Variants in KIR2DL1 observed in about 807,000 individuals in gnomAD.
The protein encoded by KIR2DL1 is killer cell immunoglobulin-like receptor 2DL1.
Under a neutral mutation model 33.9 loss-of-function variants are expected in KIR2DL1, and 38 were observed. The ratio of observed to expected loss-of-function variants is 1.12; its 90% confidence interval spans 0.86 to 1.47. The LOEUF (loss-of-function observed/expected upper bound fraction) is 1.47. Ranked by LOEUF, KIR2DL1 falls within the 40% of genes most tolerant of loss-of-function variation. The probability of loss-of-function intolerance (pLI) is 0.00; values close to 1 mark genes in which losing one functional copy is unlikely to be tolerated. For synonymous variants in KIR2DL1, 179 were observed against 165.9 expected (o/e 1.08, Z -0.61); for missense variants, 531 against 433.9 (o/e 1.22, Z -1.99).
intron 2 of KIR2DL1, among the ~76,000 whole-genome samples, chr19:54,771,087 G>A (rs2075663867): frequency 2.0e-5 from 3 of 148,432 alleles, no homozygotes; most frequent in Admixed American, 1.4e-4. Flanking sequence ...GTTAGACTAC[G>A]GTGCTCAAAG....
intron 5 of KIR2DL1, among the ~76,000 whole-genome samples, chr19:54,778,951 T>A (rs1184389244): frequency 3.1e-4 from 46 of 146,752 alleles, no homozygotes; most frequent in African/African-American, 1.2e-3. Flanking sequence ...CCTGCATTCC[T>A]AACTGGAGGA....
At chr19:54,781,534 G>A (rs1169136484) in intron 5 of KIR2DL1, among the ~76,000 whole-genome samples, 1 of 150,654 alleles carries the variant, frequency 6.6e-6, no homozygotes, top group Non-Finnish European at 1.5e-5. Context: ...ACTCCTTGAA[G>A]TGAGTCCAGA....
At position 54,783,028 on chromosome 19, in the gene KIR2DL1, G is replaced by A; in HGVS notation, c.817+5G>A. 7 of 1,612,804 alleles carry A rather than the reference G, an allele frequency of 4.3e-6. No individual in the cohort carries two copies. The highest frequency in any genetic ancestry group is 5.9e-6 in the Non-Finnish European group (7 of 1,179,268). On this transcript the variant is annotated splice_donor_5th_base_variant and intron_variant, in intron 6 of 7. Coordinates refer to ENST00000336077, the MANE Select transcript of KIR2DL1 (RefSeq NM_014218.3). The stretch of plus-strand genomic sequence containing the variant: ...GCTGGTGCTCCAACAAAAAAAGTAA[G>A]TCTCACGAAGCAGAGGCCAGAGAGC...
At chr19:54,780,154 T>C (rs2147586856) in intron 5 of KIR2DL1, 1 of 521,298 alleles carries the variant, frequency 1.9e-6, no homozygotes. Flanking sequence ...TCCGACCGTC[T>C]CAGCATGCCA....
chr19:54,772,117 G>A (rs1341666033), intron 2 of KIR2DL1, among the ~76,000 whole-genome samples: 1 of 148,138 alleles, frequency 6.8e-6, no homozygotes, highest in East Asian at 1.9e-4. Context: ...ATAGGGGAAG[G>A]GACTGAAGGA....
chr19:54,781,394 G>A (rs1331997800), intron 5 of KIR2DL1, among the ~76,000 whole-genome samples: 6 of 150,588 alleles, frequency 4.0e-5, no homozygotes, highest in Admixed American at 2.0e-4. Flanking sequence ...CTCCAGCACA[G>A]ATCCTGGAAT....
At position 54,774,178 on chromosome 19, in the gene KIR2DL1, G is replaced by A. The variant is rs1224800891; in HGVS notation, c.370+546G>A. On this transcript the variant is annotated intron_variant, in intron 3 of 7. Transcript: ENST00000336077. ...ATGCTGTGTGAACTTGTAGTCTCCA[G>A]ACTGGATTCTGAGGCTCATATTCCA... is the stretch of plus-strand genomic sequence containing the variant. Among the ~76,000 whole-genome samples the A allele has an allele frequency of 6.7e-5, 10 of 148,748 alleles. 1 individual carries two copies. The highest frequency in any genetic ancestry group is 2.5e-4 in the African/African-American group (10 of 40,760).
At chr19:54,777,141 A>G (rs1289690077) in intron 4 of KIR2DL1, among the ~76,000 whole-genome samples, 1 of 150,782 alleles carries the variant, frequency 6.6e-6, no homozygotes, top group Non-Finnish European at 1.5e-5. Flanking sequence ...CCCAGGCTGG[A>G]GTGCAGTGGC....
chr19:54,776,863 A>G (rs1305886519), intron 4 of KIR2DL1, among the ~76,000 whole-genome samples: 3 of 146,972 alleles, frequency 2.0e-5, no homozygotes, highest in Non-Finnish European at 4.5e-5. Flanking sequence ...GCTGCTCTCA[A>G]ACTCATGACC....
Position 54,770,790 on chromosome 19 carries a change from C to CA in KIR2DL1, c.35-58dup. The CA allele has an allele frequency of 2.6e-6, 4 of 1,567,740 alleles. No homozygotes were observed. In the East Asian group the frequency reaches 9.0e-5, roughly 35 times the overall value. ...ACCAAGACTCACAGCCCAGTGGGGGCAGCAAGGGTGCCCTGGTTTGCCTGC... is the reference window on the plus strand; with the variant it reads ...ACCAAGACTCACAGCCCAGTGGGGGCAAGCAAGGGTGCCCTGGTTTGCCTGC... On this transcript the variant is annotated intron_variant, in intron 1 of 7. Coordinates refer to ENST00000336077, the MANE Select transcript of KIR2DL1 (RefSeq NM_014218.3).
At chr19:54,779,495 C>T (rs1654639) in intron 5 of KIR2DL1, among the ~76,000 whole-genome samples, 30,939 of 127,618 alleles carry the variant, frequency 0.24, 1,789 homozygotes, top group South Asian at 0.35. Context: ...CTTACCACAC[C>T]TCTTTCTCTG....
At position 54,775,368 on chromosome 19, in the gene KIR2DL1, C is replaced by T. The variant is rs1344715129; in HGVS notation, c.574C>T (p.His192Tyr). Reference sequence around the variant, plus strand: ...TGACTTTCCTCTGGGCCCTGCCACCCACGGAGGGACCTACAGATGCTTCGG... The same window carrying T: ...TGACTTTCCTCTGGGCCCTGCCACCTACGGAGGGACCTACAGATGCTTCGG... ...QADFPLGPAT[H>Y]GGTYRCFGSF... Residue 192 changes from histidine to tyrosine, a missense_variant, in exon 4 of 8, where the codon CAC becomes TAC. Physicochemically the swap from His to Tyr is moderately conservative, Grantham distance 83. Coordinates refer to ENST00000336077, the MANE Select transcript of KIR2DL1 (RefSeq NM_014218.3). 6.3e-7 allele frequency: 1 copy of T among 1,583,292 alleles called. No homozygotes were observed. Among genetic ancestry groups the T allele is most frequent in the East Asian group, 2.2e-5 (1 of 44,764 alleles).
rs531969243 is a variant in KIR2DL1, at chr19:54,775,790, C to T, written c.664+332C>T. 2.4e-4 allele frequency among the ~76,000 whole-genome samples: 36 copies of T among 149,182 alleles called. 3 individuals are homozygous for T. Among genetic ancestry groups the T allele is most frequent in the African/African-American group, 8.5e-4 (35 of 40,986 alleles). On this transcript the variant is annotated intron_variant, in intron 4 of 7. Transcript: ENST00000336077. ...CCCATTTCCCAGAAGCCCATCCTGG[C>T]CTCTCACCCACACAGAGATGTCATC...
At chr19:54,783,169 A>T in intron 6 of KIR2DL1, 146 bp downstream of exon 6, 1 of 956,458 alleles carries the variant, frequency 1.0e-6, no homozygotes, top group South Asian at 1.4e-5. Flanking sequence ...AGAGGGCACC[A>T]GACTCCCTGT....
chr19:54,775,216 C>T lies in KIR2DL1; in HGVS notation c.422C>T (p.Ala141Val), dbSNP rs373229787. 1.2e-5 allele frequency: 19 copies of T among 1,601,114 alleles called. 1 individual carries two copies. Among genetic ancestry groups the T allele is most frequent in the Admixed American group, 6.8e-5 (4 of 59,206 alleles). Residue 141 changes from alanine (A) to valine (V), a missense_variant, in exon 4 of 8, where the codon GCA (alanine) becomes GTA (valine). Transcript: ENST00000336077. ...GCCCAGCTGGGCCCCACGGTTCTGG[C>T]AGGAGAGAATGTGACCTTGTCCTGC... Reference protein sequence around the residue: ...LSAQLGPTVLAGENVTLSCSS... With the variant: ...LSAQLGPTVLVGENVTLSCSS...
chr19:54,776,968 A>G (rs1189247350), intron 4 of KIR2DL1, among the ~76,000 whole-genome samples: 1 of 149,878 alleles, frequency 6.7e-6, no homozygotes, highest in Non-Finnish European at 1.5e-5. Flanking sequence ...AAGGACTTCC[A>G]TACTTTTCTC....
chr19:54,778,698 C>A (rs2295806), intron 5 of KIR2DL1, 36 bp downstream of exon 5: 108,909 of 1,246,910 alleles, frequency 0.087, 17,147 homozygotes, highest in African/African-American at 0.22. Flanking sequence ...GCTTTTGGAA[C>A]CCTGGGGAGG....
chr19:54,779,622 TC>T (rs754754091), intron 5 of KIR2DL1, among the ~76,000 whole-genome samples: 2 of 146,848 alleles, frequency 1.4e-5, no homozygotes, highest in Non-Finnish European at 1.5e-5. Flanking sequence ...TGTTTTAAGT[TC>T]AGCTGATTAG....
At chr19:54,772,316 C>T (rs2075824404) in intron 2 of KIR2DL1, among the ~76,000 whole-genome samples, 1 of 147,544 alleles carries the variant, frequency 6.8e-6, no homozygotes, top group Non-Finnish European at 1.5e-5. Context: ...GCCATGAATG[C>T]AGGTGGCCTA....
Sources: allele counts gnomAD v4.1 joint callset (sites outside exome capture counted in the v4.1 genomes callset), GRCh38; gene constraint gnomAD v4.1.1; transcripts MANE v1.5; gene names NCBI Gene and HGNC (gene_info 2026-07-23, HGNC 2026-07-21).